NRG3: variants seen among roughly 807,000 people sequenced by gnomAD.
NRG3 encodes the protein neuregulin 3.
In NRG3, 31 loss-of-function variants were observed where a neutral mutation model predicts 66.9. The observed-to-expected ratio is 0.46, with a 90% confidence interval of 0.35 to 0.63. The LOEUF (loss-of-function observed/expected upper bound fraction) is 0.63, where lower values mean the gene tolerates loss of function less well. NRG3 is among the 20% of genes least tolerant of loss of function. NRG3 has a pLI of 0.00. For missense variants in NRG3, 910 were observed against 878.9 expected (o/e 1.04, Z -0.45); for synonymous variants, 393 against 359.4 (o/e 1.09, Z -1.06).
chr10:82,716,981 A>T (rs997024413), intron 2 of NRG3, among the ~76,000 whole-genome samples: 5 of 152,206 alleles, frequency 3.3e-5, no homozygotes, highest in Non-Finnish European at 5.9e-5. Flanking sequence ...CAGTGAAAAT[A>T]AGTTTATTAA....
intron 2 of NRG3, among the ~76,000 whole-genome samples, chr10:82,726,877 T>A (rs1328889705): frequency 1.3e-5 from 2 of 152,166 alleles, no homozygotes; most frequent in African/African-American, 4.8e-5. Flanking sequence ...ATATGAACAA[T>A]AAGTTCCAGG....
At chr10:81,971,039 C>CTG (rs2059915156) in intron 1 of NRG3, among the ~76,000 whole-genome samples, 2 of 152,232 alleles carry the variant, frequency 1.3e-5, no homozygotes, top group Admixed American at 1.3e-4. Flanking sequence ...ACTTGGTAGG[C>CTG]TGAGATAGGA....
chr10:82,494,367 C>T (rs940176222), intron 2 of NRG3, among the ~76,000 whole-genome samples: 1 of 152,056 alleles, frequency 6.6e-6, no homozygotes, highest in Non-Finnish European at 1.5e-5. Context: ...AACTCAAATA[C>T]GATCTCCTTT....
chr10:82,951,635 A>G, intron 5 of NRG3, 64 bp downstream of exon 5: 3 of 1,390,452 alleles, frequency 2.2e-6, no homozygotes, highest in Non-Finnish European at 3.1e-6. Context: ...TGTTACTTTA[A>G]GTTCTCAGTC....
intron 2 of NRG3, among the ~76,000 whole-genome samples, chr10:82,527,704 A>T (rs1846853038): frequency 6.6e-6 from 1 of 152,218 alleles, no homozygotes; most frequent in Non-Finnish European, 1.5e-5. Flanking sequence ...CAGGGAGGTC[A>T]TTATGCTATC....
chr10:82,485,733 G>C (rs562136879), intron 2 of NRG3, among the ~76,000 whole-genome samples: 4 of 151,806 alleles, frequency 2.6e-5, no homozygotes, highest in Admixed American at 6.6e-5. Flanking sequence ...TTATAGATGA[G>C]TATAGACATT....
rs1435231095 is a variant in NRG3 at position 81,913,158 on chromosome 10, T to C, written c.823+36995T>C. ...TTTTAATCAGTTTTATGGTTGAATT[T>C]ATTCAACACTCATTGATGGAGTAAC... On this transcript the variant is annotated intron_variant, in intron 1 of 8. Coordinates refer to ENST00000372141, the MANE Select transcript of NRG3 (RefSeq NM_001010848.4). Among the ~76,000 whole-genome samples, 4 of 142,502 alleles carry C rather than the reference T, an allele frequency of 2.8e-5. No homozygotes were observed. The East Asian group carries it at 9.7e-4, about 35-fold the overall frequency. 93.5% of individuals were successfully genotyped at this position (142,502 alleles called of 152,430 possible). A position where few individuals can be genotyped will look rare whatever the true frequency, so the allele number is the denominator to read the frequency against.
intron 2 of NRG3, among the ~76,000 whole-genome samples, chr10:82,705,138 T>C (rs954964065): frequency 6.6e-6 from 1 of 152,146 alleles, no homozygotes; most frequent in Non-Finnish European, 1.5e-5. Flanking sequence ...GGAAAAAAAC[T>C]ATAGAAAAGG....
intron 3 of NRG3, among the ~76,000 whole-genome samples, chr10:82,761,207 A>C (rs1164535485): frequency 6.6e-6 from 1 of 152,058 alleles, no homozygotes; most frequent in Non-Finnish European, 1.5e-5. Flanking sequence ...AAGTTAAAGC[A>C]AACTGACTTC....
At chr10:82,738,487 A>G in intron 2 of NRG3, 90 bp from the exon 3 acceptor site, 1 of 1,013,314 alleles carries the variant, frequency 9.9e-7, no homozygotes. Context: ...CTGTTCTCAC[A>G]TTTATGTAAT....
chr10:82,131,298 C>T (rs560182387), intron 1 of NRG3, among the ~76,000 whole-genome samples: 2 of 152,112 alleles, frequency 1.3e-5, no homozygotes, highest in African/African-American at 2.4e-5. Context: ...AAAGAGACTA[C>T]CCTTTCCCCA....
At chr10:82,636,521 T>C (rs553349598) in intron 2 of NRG3, among the ~76,000 whole-genome samples, 1 of 152,310 alleles carries the variant, frequency 6.6e-6, no homozygotes, top group Non-Finnish European at 1.5e-5. Context: ...ATAATATTTT[T>C]CTTTCTGTAT....
Position 82,548,521 on chromosome 10 carries a change from TCTCA to T in NRG3, c.953+189655_953+189658del, listed in dbSNP as rs759973362. ...ACAAAATACACAAATACATTCTGTC[TCTCA>T]CACACACACACACACACACACACAC... On this transcript the variant is annotated intron_variant, in intron 2 of 8. Coordinates refer to ENST00000372141, the MANE Select transcript of NRG3 (RefSeq NM_001010848.4). 5.5e-3 allele frequency among the ~76,000 whole-genome samples: 595 copies of T among 108,440 alleles called. 1 individual carries two copies. Among genetic ancestry groups the T allele is most frequent in the African/African-American group, 0.017 (385 of 22,388 alleles). The allele number at this position is 108,440 out of a possible 152,430, so 71.1% of individuals were successfully genotyped here.
Position 82,315,980 on chromosome 10 carries a change from G to A in NRG3, c.824-42759G>A, listed in dbSNP as rs187010669. On this transcript the variant is annotated intron_variant, in intron 1 of 8. Transcript: ENST00000372141. ...TGATTTTTACCATTTGTCCATAGTC[G>A]CAATAGGAAGGATGAGGGAGATTTT... Among the ~76,000 whole-genome samples the A allele has an allele frequency of 2.1e-3, 318 of 152,120 alleles. 4 individuals are homozygous for A. Among genetic ancestry groups the A allele is most frequent in the South Asian group, 0.018 (89 of 4,820 alleles).
At chr10:81,892,408 A>G (rs114169723) in intron 1 of NRG3, among the ~76,000 whole-genome samples, 4,675 of 152,230 alleles carry the variant, frequency 0.031, 155 homozygotes, top group African/African-American at 0.077. Flanking sequence ...AATTCATCCA[A>G]TTCTAGATAT....
chr10:81,907,247 T>C (rs561178379), intron 1 of NRG3, among the ~76,000 whole-genome samples: 46 of 152,312 alleles, frequency 3.0e-4, no homozygotes, highest in African/African-American at 9.6e-4. Flanking sequence ...AAAATCATGA[T>C]CTGCTTCTTT....
intron 1 of NRG3, among the ~76,000 whole-genome samples, chr10:82,216,457 T>C (rs2075681199): frequency 7.4e-6 from 1 of 135,572 alleles, no homozygotes; most frequent in Non-Finnish European, 1.5e-5. Context: ...ACATTTTATA[T>C]ATATGTGTGT....
intron 1 of NRG3, among the ~76,000 whole-genome samples, chr10:82,290,060 C>A (rs535990498): frequency 1.4e-4 from 21 of 152,314 alleles, no homozygotes; most frequent in African/African-American, 5.1e-4. Flanking sequence ...AGGCTTTAAT[C>A]TCTCTAACTA....
At chr10:82,194,459 A>G (rs1268127697) in intron 1 of NRG3, among the ~76,000 whole-genome samples, 2 of 152,150 alleles carry the variant, frequency 1.3e-5, no homozygotes, top group Non-Finnish European at 2.9e-5. Flanking sequence ...GAGTATAAGC[A>G]AAGAGGCTGC....
Sources: allele counts gnomAD v4.1 joint callset (sites outside exome capture counted in the v4.1 genomes callset), GRCh38; gene constraint gnomAD v4.1.1; transcripts MANE v1.5; gene names NCBI Gene and HGNC (gene_info 2026-07-23, HGNC 2026-07-21).